The following VWDE variants were observed in gnomAD, a reference collection of about 807,000 sequenced individuals.
VWDE encodes von Willebrand factor D and EGF domains.
Under a neutral mutation model 178.4 loss-of-function variants are expected in VWDE, and 207 were observed. The observed-to-expected ratio is 1.16, with a 90% CI of 1.04 to 1.30. The LOEUF is 1.30. Ranked by LOEUF, VWDE falls within the 50% of genes most tolerant of loss-of-function variation. The probability of loss-of-function intolerance (pLI) is 0.00; values close to 1 mark genes in which losing one functional copy is unlikely to be tolerated. For synonymous variants in VWDE, 738 were observed against 651.4 expected, an observed-to-expected ratio of 1.13 and a Z score of -2.02; for missense variants, 2,287 against 1,901.3, an observed-to-expected ratio of 1.20 and a Z score of -3.77.
At chr7:12,344,082 T>G (rs1418737381) in intron 21 of VWDE, 113 bp downstream of exon 21, 3 of 713,318 alleles carry the variant, frequency 4.2e-6, no homozygotes, top group Non-Finnish European at 6.8e-6. Context: ...CCAGCTTTGA[T>G]AAGAATATTT....
At chr7:12,386,923 T>C (rs1784125179) in intron 3 of VWDE, among the ~76,000 whole-genome samples, 1 of 152,224 alleles carries the variant, frequency 6.6e-6, no homozygotes, top group African/African-American at 2.4e-5. Flanking sequence ...AGTACATATG[T>C]GTGAAATGAT....
chr7:12,359,668 G>A lies in VWDE; in HGVS notation c.3184C>T (p.Leu1062Phe). Residue 1062 changes from leucine to phenylalanine, a missense_variant, in exon 16 of 29, where the codon CTC becomes TTC. Coordinates refer to ENST00000275358, the MANE Select transcript of VWDE (RefSeq NM_001135924.3). ...IKENVCIIDG[L>F]CYVEGDKNPT... ...TTTTTGTCTCCTTCAACATAGCAGA[G>A]TCCATCAATAATGCAAACATTTTCC... 1.3e-6 allele frequency: 2 copies of A among 1,546,438 alleles called. No homozygotes were observed. The highest frequency in any genetic ancestry group is 2.4e-5 in the South Asian group (2 of 82,912).
chr7:12,402,467 A>G (rs1562528118), intron 1 of VWDE, among the ~76,000 whole-genome samples: 3 of 152,232 alleles, frequency 2.0e-5, no homozygotes, highest in Non-Finnish European at 4.4e-5. Context: ...AAAACCTGGT[A>G]ATGGGTAATA....
At chr7:12,342,015 T>C in intron 23 of VWDE, 44 bp downstream of exon 23, 3 of 1,483,088 alleles carry the variant, frequency 2.0e-6, no homozygotes, top group Non-Finnish European at 2.8e-6. Context: ...TGGCATATTT[T>C]AACTTTTAAT....
At position 12,379,540 on chromosome 7, in the gene VWDE, G is replaced by C; in HGVS notation, c.816C>G (p.Phe272Leu). ...CACTTTGTACATGAGGATTCTCCAA[G>C]AAAAAGACAGAAGCGCTGCAGAATA... is the stretch of plus-strand genomic sequence containing the variant. ...DRIFCSASVF[F>L]LENPHVQSVA... The change falls in exon 6 of 29, where the codon TTC becomes TTG. Residue 272 changes from phenylalanine (F) to leucine (L), a missense_variant. Physicochemically the swap from Phe to Leu is conservative, Grantham distance 22. Coordinates refer to ENST00000275358, the MANE Select transcript of VWDE (RefSeq NM_001135924.3). 3 of 1,549,238 alleles carry C rather than the reference G, an allele frequency of 1.9e-6. No individual in the cohort carries two copies. Among genetic ancestry groups the C allele is most frequent in the Non-Finnish European group, 2.6e-6 (3 of 1,145,976 alleles).
At chr7:12,380,164 C>A (rs981425754) in intron 5 of VWDE, among the ~76,000 whole-genome samples, 1 of 150,956 alleles carries the variant, frequency 6.6e-6, no homozygotes, top group African/African-American at 2.4e-5. Flanking sequence ...AACATTTTTT[C>A]TAGAATAAAC....
In VWDE at chr7:12,371,038, T is replaced by C. The variant is rs866845838; in HGVS notation, c.1588-174A>G. 2.0e-5 allele frequency among the ~76,000 whole-genome samples: 3 copies of C among 152,278 alleles called. No homozygotes were observed. The Middle Eastern group carries it at 0.01, about 518-fold the overall frequency. Reference sequence around the variant, plus strand: ...CCTCTTAACATTCTATGTCAAAATATGGGTTTTTGCATTTTGCTGACCTGA... The same window carrying C: ...CCTCTTAACATTCTATGTCAAAATACGGGTTTTTGCATTTTGCTGACCTGA... On this transcript the variant is annotated intron_variant, in intron 10 of 28. Transcript: ENST00000275358.
At position 12,369,810 on chromosome 7, in the gene VWDE, G is replaced by A. The variant is rs1201513212; in HGVS notation, c.2496C>T (p.Asp832=). 8 of 1,551,288 alleles carry A rather than the reference G, an allele frequency of 5.2e-6. No individual in the cohort carries two copies. Among genetic ancestry groups the A allele is most frequent in the African/African-American group, 1.4e-5 (1 of 72,980 alleles). Residue 832 remains aspartate, a synonymous_variant, in exon 12 of 29, where the codon GAC becomes GAT. Coordinates refer to ENST00000275358, the MANE Select transcript of VWDE (RefSeq NM_001135924.3). ...CCTTCACACACATCTCTATAACACT[G>A]TCTAATCTCTTGCCAAGAAAAGCAA... ...LCLAFLGKRL[D]SVIEMCVKDV...
chr7:12,359,578 T>G lies in VWDE; in HGVS notation c.3274A>C (p.Asn1092His). 6.5e-7 allele frequency: 1 copy of G among 1,538,586 alleles called. No individual in the cohort carries two copies. Among genetic ancestry groups the G allele is most frequent in the Non-Finnish European group, 8.8e-7 (1 of 1,137,886 alleles). Residue 1092 changes from asparagine (N) to histidine (H), a missense_variant and splice_region_variant, in exon 16 of 29, where the codon AAC (asparagine) becomes CAC (histidine). Transcript: ENST00000275358. ...TTTGGATTAATAAAGAGTAACTTAC[T>G]TTCTAAAAATGACCAAGTAAATCTT... ...ISRFTWSFLE[N>H]NQPPVIQALQ...
At chr7:12,367,726 C>G (rs1782939360) in intron 12 of VWDE, among the ~76,000 whole-genome samples, 1 of 151,976 alleles carries the variant, frequency 6.6e-6, no homozygotes, top group Non-Finnish European at 1.5e-5. Flanking sequence ...GTCCTAAAAT[C>G]ACAGGTTTCA....
In VWDE at chr7:12,403,226, A is replaced by G. The variant is rs77901805; in HGVS notation, c.58+433T>C. 8.6e-3 allele frequency among the ~76,000 whole-genome samples: 1,313 copies of G among 152,308 alleles called. 22 individuals are homozygous for G. The highest frequency in any genetic ancestry group is 0.031 in the African/African-American group (1,268 of 41,562). On this transcript the variant is annotated intron_variant, in intron 1 of 28. Coordinates refer to ENST00000275358, the MANE Select transcript of VWDE (RefSeq NM_001135924.3). ...TATTGTAGGGATAAAATGTTCACCA[A>G]TGAATTATTTCTGAGGGTCCGGTTG...
chr7:12,335,708 G>T (rs992900201), intron 27 of VWDE, among the ~76,000 whole-genome samples: 2 of 152,178 alleles, frequency 1.3e-5, no homozygotes, highest in African/African-American at 4.8e-5. Context: ...GCTGGCCTTG[G>T]CCTCCCAAAG....
At chr7:12,384,392 G>A (rs956669786) in intron 3 of VWDE, among the ~76,000 whole-genome samples, 4 of 152,018 alleles carry the variant, frequency 2.6e-5, no homozygotes, top group African/African-American at 9.7e-5. Flanking sequence ...TTAGGGTAGT[G>A]AAACTAGTCT....
intron 4 of VWDE, 29 bp downstream of exon 4, chr7:12,383,507 C>G: frequency 6.5e-7 from 1 of 1,527,116 alleles, no homozygotes. Context: ...TATAAAAACA[C>G]TATTAAAAAA....
intron 4 of VWDE, among the ~76,000 whole-genome samples, chr7:12,381,192 T>C (rs1223423551): frequency 6.6e-6 from 1 of 152,144 alleles, no homozygotes; most frequent in Non-Finnish European, 1.5e-5. Flanking sequence ...GCTGAAAGAG[T>C]TATTCATTGC....
At chr7:12,350,052 T>A (rs1268522682) in intron 19 of VWDE, among the ~76,000 whole-genome samples, 1 of 152,014 alleles carries the variant, frequency 6.6e-6, no homozygotes, top group African/African-American at 2.4e-5. Context: ...TGAAAAATTT[T>A]ACCAAATAAT....
intron 27 of VWDE, among the ~76,000 whole-genome samples, chr7:12,334,179 T>G (rs1212981621): frequency 6.6e-6 from 1 of 152,114 alleles, no homozygotes; most frequent in African/African-American, 2.4e-5. Flanking sequence ...CTTATAATAC[T>G]TAATAATAAC....
At chr7:12,371,284 C>T (rs1310805931) in intron 10 of VWDE, among the ~76,000 whole-genome samples, 3 of 152,044 alleles carry the variant, frequency 2.0e-5, no homozygotes, top group South Asian at 2.1e-4. Flanking sequence ...TACATGTTCC[C>T]GCAGCTAATT....
At chr7:12,398,837 A>G (rs847997) in intron 1 of VWDE, among the ~76,000 whole-genome samples, 8,773 of 152,242 alleles carry the variant, frequency 0.058, 332 homozygotes, top group Middle Eastern at 0.11. Flanking sequence ...GGGCAAGCTA[A>G]ACATTGGGTA....
Sources: gnomAD v4.1 joint callset for allele counts (sites outside exome capture counted in the v4.1 genomes callset) on GRCh38, gnomAD v4.1.1 for gene constraint, MANE v1.5 for transcripts, NCBI Gene and HGNC (gene_info 2026-07-23, HGNC 2026-07-21) for gene names.